Variants in TRIP11 observed in about 807,000 individuals in gnomAD.
The protein encoded by TRIP11 is thyroid hormone receptor interactor 11.
A neutral mutation model predicts 223.1 loss-of-function variants in TRIP11; 148 were observed. The observed-to-expected ratio is 0.66, with a 90% confidence interval of 0.58 to 0.76. TRIP11 has a LOEUF of 0.76. Among genes scored for constraint, TRIP11 ranks in the 30% least tolerant of loss-of-function variants. The pLI is 0.00. For synonymous variants in TRIP11, 762 were observed against 772.6 expected, an observed-to-expected ratio of 0.99 and a Z score of 0.23; for missense variants, 2,043 against 2,222.0, an observed-to-expected ratio of 0.92 and a Z score of 1.62.
At chr14:92,000,229 ACT>A (rs1193751831) in intron 11 of TRIP11, 121 bp from the exon 12 acceptor site, 37 of 1,477,500 alleles carry the variant, frequency 2.5e-5, no homozygotes, top group Non-Finnish European at 3.3e-5. Flanking sequence ...CTCCCGATTT[ACT>A]CTCTGAGTAG....
chr14:92,031,262 G>C (rs896786056), intron 2 of TRIP11, among the ~76,000 whole-genome samples: 1 of 152,006 alleles, frequency 6.6e-6, no homozygotes, highest in African/African-American at 2.4e-5. Context: ...GGGATTACAG[G>C]CGCCCACCAC....
intron 6 of TRIP11, 77 bp downstream of exon 6, chr14:92,015,619 G>A: frequency 7.8e-7 from 1 of 1,275,996 alleles, no homozygotes; most frequent in Non-Finnish European, 1.1e-6. Context: ...GATCGCGCCA[G>A]TGCACTCCAG....
intron 15 of TRIP11, 126 bp from the exon 16 acceptor site, chr14:91,988,509 C>A: frequency 1.4e-6 from 1 of 740,534 alleles, no homozygotes; most frequent in South Asian, 1.6e-5. Flanking sequence ...TGACCTTGGG[C>A]AAATGTATCC....
intron 1 of TRIP11, 45 bp downstream of exon 1, chr14:92,039,502 C>G: frequency 6.2e-7 from 1 of 1,607,830 alleles, no homozygotes; most frequent in Non-Finnish European, 8.5e-7. Context: ...ACGGACGTTC[C>G]CAGGGTCTTA....
rs769352931 is a variant in TRIP11, at chr14:91,972,866, G to GA, written c.5575-6dup. 1.2e-6 allele frequency: 2 copies of GA among 1,607,666 alleles called. No individual in the cohort carries two copies. The highest frequency in any genetic ancestry group is 8.5e-7 in the Non-Finnish European group (1 of 1,176,620). ...AACAAAAAGTTCTGAAAAAGACTAA[G>GA]AAAAAATATTTTGGTTATATTAGGC... is the stretch of plus-strand genomic sequence containing the variant. On this transcript the variant is annotated splice_polypyrimidine_tract_variant and splice_region_variant and intron_variant, in intron 19 of 20. Transcript: ENST00000267622.
intron 16 of TRIP11, among the ~76,000 whole-genome samples, chr14:91,985,759 T>A (rs1284837877): frequency 6.6e-6 from 1 of 152,238 alleles, no homozygotes. Context: ...GGCCAAGTTT[T>A]GTGTTAAAAA....
At position 91,966,264 on chromosome 14, in the gene TRIP11, T is replaced by C. The variant is rs1393202600; in HGVS notation, c.*3409A>G. ...TTTTAATAAGTTAAAAAGTAAAGAC[T>C]GGCAAATAATCACAAATGTCAGAAC... On this transcript the variant is annotated 3_prime_UTR_variant, in exon 21 of 21. Coordinates refer to ENST00000267622, the MANE Select transcript of TRIP11 (RefSeq NM_004239.4). The C allele has an allele frequency of 5.6e-6, 1 of 177,922 alleles. No individual in the cohort carries two copies. The highest frequency in any genetic ancestry group is 2.0e-4 in the South Asian group (1 of 5,044). 11.0% of individuals were successfully genotyped at this position (177,922 alleles called of 1,614,324 possible). A position where few individuals can be genotyped will look rare whatever the true frequency, so the allele number is the denominator to read the frequency against.
chr14:91,976,229 T>C (rs750606020), intron 16 of TRIP11, 40 bp from the exon 17 acceptor site: 2 of 1,545,568 alleles, frequency 1.3e-6, no homozygotes, highest in African/African-American at 2.7e-5. Context: ...CATTAACTGA[T>C]TAAAATAGTC....
chr14:91,975,280 T>A lies in TRIP11; in HGVS notation c.5349A>T (p.Leu1783=). ...NSSEGKVDKV[L]MRNLFIGHFH... ...AATGACCAATGAAGAGGTTTCTCAT[T>A]AGGACTCTATGAAAATAAAGGCAGA... The change falls in exon 18 of 21, where the codon CTA becomes CTT. Residue 1783 remains leucine (L), a synonymous_variant. Coordinates refer to ENST00000267622, the MANE Select transcript of TRIP11 (RefSeq NM_004239.4). 1 of 1,612,638 alleles carries A rather than the reference T, an allele frequency of 6.2e-7. No homozygotes were observed. Among genetic ancestry groups the A allele is most frequent in the South Asian group, 1.1e-5 (1 of 91,058 alleles).
Position 91,969,319 on chromosome 14 carries a change from A to G in TRIP11, c.*354T>C. 1 of 333,974 alleles carries G rather than the reference A, an allele frequency of 3.0e-6. No homozygotes were observed. Among genetic ancestry groups the G allele is most frequent in the Non-Finnish European group, 5.6e-6 (1 of 179,452 alleles). 20.7% of individuals were successfully genotyped at this position (333,974 alleles called of 1,614,324 possible). ...AAAAAAAACACTCTCTTGATAAACC[A>G]CAATCTCTAGCTTAAATGAGCTTGG... On this transcript the variant is annotated 3_prime_UTR_variant, in exon 21 of 21. Transcript: ENST00000267622.
Position 91,967,107 on chromosome 14 carries a change from G to A in TRIP11, c.*2566C>T, listed in dbSNP as rs1289844815. ...CATACCAGTCAGCTATAGTTTCAAT[G>A]ACACAATGAAAACATTAGGTACTAT... On this transcript the variant is annotated 3_prime_UTR_variant, in exon 21 of 21. Transcript: ENST00000267622. 1.3e-5 allele frequency: 2 copies of A among 156,592 alleles called. No individual in the cohort carries two copies. Among genetic ancestry groups the A allele is most frequent in the Admixed American group, 6.8e-5 (1 of 14,602 alleles). 9.7% of individuals were successfully genotyped at this position (156,592 alleles called of 1,614,324 possible). A position where few individuals can be genotyped will look rare whatever the true frequency, so the allele number is the denominator to read the frequency against.
At chr14:92,024,927 A>G (rs1222369060) in intron 3 of TRIP11, among the ~76,000 whole-genome samples, 1 of 152,228 alleles carries the variant, frequency 6.6e-6, no homozygotes, top group Admixed American at 6.5e-5. Flanking sequence ...AAGCAATTAT[A>G]TGTAAATTAT....
chr14:92,004,784 T>C lies in TRIP11; in HGVS notation c.3192A>G (p.Lys1064=). ...CATGAAGAGCTTGTATCTCCAAATCTTTCTGCTGAATAATCTGAGTTAGTT... is the reference window on the plus strand; with the variant it reads ...CATGAAGAGCTTGTATCTCCAAATCCTTCTGCTGAATAATCTGAGTTAGTT... The part of the protein sequence containing the change: ...VGKLTQIIQQ[K]DLEIQALHAR... Residue 1064 remains lysine (K), a synonymous_variant, in exon 11 of 21, where the codon AAA becomes AAG. Transcript: ENST00000267622. 2.5e-6 allele frequency: 4 copies of C among 1,614,168 alleles called. No homozygotes were observed. The highest frequency in any genetic ancestry group is 1.1e-5 in the South Asian group (1 of 91,086).
chr14:92,014,170 A>T, intron 7 of TRIP11, 45 bp downstream of exon 7: 1 of 1,612,500 alleles, frequency 6.2e-7, no homozygotes, highest in Non-Finnish European at 8.5e-7. Context: ...AACAACTACT[A>T]TGCAATGAAA....
intron 2 of TRIP11, among the ~76,000 whole-genome samples, chr14:92,025,878 C>CAAAAAAAAAAAAAAAAA (rs372915026): frequency 1.4e-5 from 1 of 74,058 alleles, no homozygotes; most frequent in African/African-American, 4.7e-5. Flanking sequence ...GACTCCGTCT[C>CAAAAAAAAAAAAAAAAA]AAAAAAAAAA....
Position 92,012,495 on chromosome 14 carries a change from G to A in TRIP11, c.1187-700C>T, listed in dbSNP as rs1056890528. Among the ~76,000 whole-genome samples, 8 of 152,310 alleles carry A rather than the reference G, an allele frequency of 5.3e-5. No homozygotes were observed. The East Asian group carries it at 1.4e-3, about 26-fold the overall frequency. On this transcript the variant is annotated intron_variant, in intron 7 of 20. Transcript: ENST00000267622. Reference sequence around the variant, plus strand: ...TAACATAGTATGACAGAGCAAGCACGAGGTGCTATGAGAACAAACAGGGTA... The same window carrying A: ...TAACATAGTATGACAGAGCAAGCACAAGGTGCTATGAGAACAAACAGGGTA...
At chr14:91,997,478 T>C (rs989861810) in intron 13 of TRIP11, among the ~76,000 whole-genome samples, 1 of 152,104 alleles carries the variant, frequency 6.6e-6, no homozygotes, top group Non-Finnish European at 1.5e-5. Flanking sequence ...CTAAATATTA[T>C]GCAAGTTCAA....
chr14:91,976,066 G>A (rs1453178041), intron 17 of TRIP11, 42 bp downstream of exon 17: 2 of 1,578,964 alleles, frequency 1.3e-6, no homozygotes, highest in African/African-American at 2.7e-5. Flanking sequence ...CCATAAAAGT[G>A]ATTTCCACAA....
At chr14:91,981,133 G>A (rs1383034731) in intron 16 of TRIP11, among the ~76,000 whole-genome samples, 6 of 144,802 alleles carry the variant, frequency 4.1e-5, no homozygotes, top group South Asian at 2.2e-4. Flanking sequence ...CTCCTGCCTC[G>A]GTCTCGCGAG....
Sources: gnomAD v4.1 joint callset for allele counts (sites outside exome capture counted in the v4.1 genomes callset) on GRCh38, gnomAD v4.1.1 for gene constraint, MANE v1.5 for transcripts, NCBI Gene and HGNC (gene_info 2026-07-23, HGNC 2026-07-21) for gene names.